The following THSD4 variants were observed in gnomAD, a reference collection of about 807,000 sequenced individuals.
THSD4 encodes thrombospondin type-1 domain-containing protein 4.
THSD4 carries 69 observed loss-of-function variants against 119.0 expected under a neutral mutation model. The ratio of observed to expected loss-of-function variants is 0.58; its 90% CI spans 0.48 to 0.71. THSD4 has a LOEUF of 0.71. Among genes scored for constraint, THSD4 ranks in the 30% least tolerant of loss-of-function variants. The pLI is 0.00. For synonymous variants in THSD4, 524 were observed against 540.4 expected, an observed-to-expected ratio of 0.97 and a Z score of 0.42; for missense variants, 1,393 against 1,391.1, an observed-to-expected ratio of 1.00 and a Z score of -0.02.
chr15:71,329,295 C>T (rs1488120657), intron 6 of THSD4, among the ~76,000 whole-genome samples: 1 of 152,118 alleles, frequency 6.6e-6, no homozygotes, highest in Non-Finnish European at 1.5e-5. Context: ...GGTCAGGCCT[C>T]GGCTGGAATC....
intron 6 of THSD4, among the ~76,000 whole-genome samples, chr15:71,353,108 C>T (rs540772179): frequency 6.6e-6 from 1 of 152,304 alleles, no homozygotes; most frequent in South Asian, 2.1e-4. Context: ...ATACATGAGG[C>T]TTCATGTAGT....
intron 7 of THSD4, among the ~76,000 whole-genome samples, chr15:71,442,035 G>A (rs183130053): frequency 5.7e-4 from 87 of 152,090 alleles, no homozygotes; most frequent in Non-Finnish European, 7.5e-4. Flanking sequence ...CTTGGCACAC[G>A]GCAATCTCCG....
At chr15:71,634,058 A>G (rs1365941720) in intron 7 of THSD4, among the ~76,000 whole-genome samples, 1 of 152,026 alleles carries the variant, frequency 6.6e-6, no homozygotes, top group Non-Finnish European at 1.5e-5. Flanking sequence ...ATGGCAGTGG[A>G]CGCCTGTGAT....
intron 7 of THSD4, among the ~76,000 whole-genome samples, chr15:71,426,269 G>A (rs1359621629): frequency 6.6e-6 from 1 of 152,092 alleles, no homozygotes; most frequent in African/African-American, 2.4e-5. Flanking sequence ...TTAAAGCAAG[G>A]TAACTGTTTC....
intron 1 of THSD4, among the ~76,000 whole-genome samples, chr15:71,098,857 A>G (rs1169190034): frequency 2.0e-5 from 3 of 152,204 alleles, no homozygotes; most frequent in African/African-American, 7.2e-5. Context: ...TACATTAAAA[A>G]TATATATATT....
intron 6 of THSD4, among the ~76,000 whole-genome samples, chr15:71,286,942 A>G (rs2044725522): frequency 6.6e-6 from 1 of 152,138 alleles, no homozygotes; most frequent in Non-Finnish European, 1.5e-5. Flanking sequence ...GTTATTGTCA[A>G]TTTTATAGTA....
Position 71,214,991 on chromosome 15 carries a change from G to C in THSD4, c.100-44G>C, listed in dbSNP as rs956505465. On this transcript the variant is annotated intron_variant, in intron 3 of 17. Coordinates refer to ENST00000261862, the MANE Select transcript of THSD4 (RefSeq NM_024817.3). ...CTGCTCAAAGCTTTTCGGGTGAAGA[G>C]AGGAGCGGTGTTCTGGTCCCCTAAC... 17 of 1,233,684 alleles carry C rather than the reference G, an allele frequency of 1.4e-5. No homozygotes were observed. In the African/African-American group the frequency reaches 2.4e-4, roughly 17 times the overall value. The allele number at this position is 1,233,684 out of a possible 1,614,324, so 76.4% of individuals were successfully genotyped here.
At chr15:71,636,187 C>G (rs1341927781) in intron 7 of THSD4, among the ~76,000 whole-genome samples, 1 of 152,064 alleles carries the variant, frequency 6.6e-6, no homozygotes, top group Non-Finnish European at 1.5e-5. Flanking sequence ...TTTGGGAGGC[C>G]GAGGCGGGTG....
intron 6 of THSD4, among the ~76,000 whole-genome samples, chr15:71,364,455 TGCCCTTGA>T (rs1270209655): frequency 1.3e-5 from 2 of 152,262 alleles, no homozygotes; most frequent in Non-Finnish European, 2.9e-5. Context: ...ATTAGCTATG[TGCCCTTGA>T]GCAAGTTACT....
chr15:71,422,821 G>A (rs2046825036), intron 7 of THSD4, among the ~76,000 whole-genome samples: 1 of 152,150 alleles, frequency 6.6e-6, no homozygotes, highest in African/African-American at 2.4e-5. Flanking sequence ...ATACCATTCG[G>A]GAGCCAGGGC....
intron 17 of THSD4, among the ~76,000 whole-genome samples, chr15:71,774,672 G>A (rs2053882478): frequency 6.6e-6 from 1 of 151,830 alleles, no homozygotes; most frequent in Middle Eastern, 3.2e-3. Context: ...ACCTACTCAG[G>A]ACGCAGAGGC....
At chr15:71,133,120 C>T (rs976659183) in intron 1 of THSD4, among the ~76,000 whole-genome samples, 1 of 152,212 alleles carries the variant, frequency 6.6e-6, no homozygotes, top group African/African-American at 2.4e-5. Flanking sequence ...ATAAACTGCT[C>T]TTGGCAGCGG....
chr15:71,464,917 G>A (rs911144192), intron 7 of THSD4, among the ~76,000 whole-genome samples: 7 of 152,040 alleles, frequency 4.6e-5, no homozygotes, highest in African/African-American at 1.7e-4. Context: ...TCCCTACTTA[G>A]GAAAATGAAT....
At chr15:71,579,506 T>C (rs1438364989) in intron 7 of THSD4, among the ~76,000 whole-genome samples, 4 of 152,174 alleles carry the variant, frequency 2.6e-5, no homozygotes, top group Admixed American at 2.6e-4. Flanking sequence ...CCATCTAAAT[T>C]CCATTTCTCA....
Position 71,213,025 on chromosome 15 carries a change from TGC to T in THSD4, c.100-2009_100-2008del, listed in dbSNP as rs554787450. Among the ~76,000 whole-genome samples the T allele has an allele frequency of 1.9e-4, 29 of 152,368 alleles. No homozygotes were observed. In the South Asian group the frequency reaches 5.4e-3, roughly 28 times the overall value. On this transcript the variant is annotated intron_variant, in intron 3 of 17. Coordinates refer to ENST00000261862, the MANE Select transcript of THSD4 (RefSeq NM_024817.3). The stretch of plus-strand genomic sequence containing the variant: ...GCACACTCCATTATTTTCCTAGGGC[TGC>T]CATAATGAATTACCACAAACTGGAT...
At chr15:71,635,437 T>A (rs987915758) in intron 7 of THSD4, among the ~76,000 whole-genome samples, 2 of 152,150 alleles carry the variant, frequency 1.3e-5, no homozygotes, top group African/African-American at 4.8e-5. Flanking sequence ...CTGGGGAAAG[T>A]AATCATGTGA....
chr15:71,727,575 TATATATATATATACACACACACAC>T (rs1216642592), intron 8 of THSD4, among the ~76,000 whole-genome samples: 22 of 37,156 alleles, frequency 5.9e-4, no homozygotes, highest in African/African-American at 5.6e-4. Context: ...TATATATATA[TATATATATATATACACACACACAC>T]ACACACACAC....
chr15:71,298,138 G>T (rs1348315420), intron 6 of THSD4, among the ~76,000 whole-genome samples: 2 of 152,196 alleles, frequency 1.3e-5, no homozygotes, highest in East Asian at 1.9e-4. Flanking sequence ...GTAAGGTAGG[G>T]TTCTAACTTC....
intron 6 of THSD4, among the ~76,000 whole-genome samples, chr15:71,344,541 G>C (rs976958961): frequency 6.6e-6 from 1 of 152,060 alleles, no homozygotes; most frequent in African/African-American, 2.4e-5. Flanking sequence ...GGGCTGGCTG[G>C]GTGCCTGTTC....
Sources: gnomAD v4.1 joint callset for allele counts (sites outside exome capture counted in the v4.1 genomes callset) on GRCh38, gnomAD v4.1.1 for gene constraint, MANE v1.5 for transcripts, NCBI Gene and HGNC (gene_info 2026-07-23, HGNC 2026-07-21) for gene names.